Variants in EPB41L4A observed in about 807,000 individuals in gnomAD.
The protein encoded by EPB41L4A is erythrocyte membrane protein band 4.1 like 4A, also known as band 4.1-like protein 4A.
In EPB41L4A, 100 loss-of-function variants were observed where a neutral mutation model predicts 108.6. The ratio of observed to expected loss-of-function variants is 0.92; its 90% CI spans 0.78 to 1.09. EPB41L4A has a LOEUF of 1.09. Among genes scored for constraint, EPB41L4A ranks in the 50% least tolerant of loss-of-function variants. EPB41L4A has a pLI of 0.00. For missense variants in EPB41L4A, 1,030 were observed against 842.7 expected, an observed-to-expected ratio of 1.22 and a Z score of -2.75; for synonymous variants, 319 against 289.0, an observed-to-expected ratio of 1.10 and a Z score of -1.05.
At chr5:112,310,381 T>C (rs542780214) in intron 1 of EPB41L4A, among the ~76,000 whole-genome samples, 46 of 152,316 alleles carry the variant, frequency 3.0e-4, no homozygotes, top group African/African-American at 1.1e-3. Context: ...CATTTATTTC[T>C]TCTTTTCTTA....
At chr5:112,331,840 T>C (rs1053045798) in intron 1 of EPB41L4A, among the ~76,000 whole-genome samples, 2 of 152,194 alleles carry the variant, frequency 1.3e-5, no homozygotes, top group South Asian at 2.1e-4. Flanking sequence ...ATGCTGTCCA[T>C]GGCCCCCACA....
chr5:112,166,601 T>C (rs908396470), intron 22 of EPB41L4A, among the ~76,000 whole-genome samples: 6 of 152,236 alleles, frequency 3.9e-5, no homozygotes, highest in African/African-American at 1.2e-4. Flanking sequence ...ACCCTAAACA[T>C]GTAAAGTGAG....
chr5:112,353,627 C>T (rs138903337), intron 1 of EPB41L4A, among the ~76,000 whole-genome samples: 4 of 152,148 alleles, frequency 2.6e-5, no homozygotes, highest in East Asian at 1.9e-4. Context: ...CAGGGTTATC[C>T]CCAGGTTTCC....
At chr5:112,204,330 T>G (rs377550622) in intron 15 of EPB41L4A, 45 bp downstream of exon 15, 2 of 1,332,970 alleles carry the variant, frequency 1.5e-6, no homozygotes, top group East Asian at 4.6e-5. Context: ...TGGGACAAAA[T>G]GCTTCTGTTG....
At position 112,346,890 on chromosome 5, in the gene EPB41L4A, T is replaced by C. The variant is rs533143405; in HGVS notation, c.100-39400A>G. 4.6e-5 allele frequency among the ~76,000 whole-genome samples: 7 copies of C among 152,338 alleles called. No homozygotes were observed. The East Asian group carries it at 9.6e-4, about 21-fold the overall frequency. On this transcript the variant is annotated intron_variant, in intron 1 of 22. Transcript: ENST00000261486. ...TTGAAAGAGGTGCTGCATGTCTACA[T>C]GGTTTCTTAAGTCCCCAGTGCTCAT...
intron 1 of EPB41L4A, among the ~76,000 whole-genome samples, chr5:112,334,867 G>A (rs538303338): frequency 6.6e-6 from 1 of 152,090 alleles, no homozygotes; most frequent in Non-Finnish European, 1.5e-5. Context: ...GATTACAACA[G>A]TGAGTATAAG....
intron 13 of EPB41L4A, among the ~76,000 whole-genome samples, chr5:112,145,258 C>G (rs1267752891): frequency 6.6e-6 from 1 of 152,178 alleles, no homozygotes; most frequent in Non-Finnish European, 1.5e-5. Context: ...TTGCTGCACT[C>G]CAGCCTGGGC....
intron 2 of EPB41L4A, among the ~76,000 whole-genome samples, chr5:112,301,965 A>G (rs1754388559): frequency 6.6e-6 from 1 of 152,106 alleles, no homozygotes; most frequent in South Asian, 2.1e-4. Context: ...ATACAAGTTT[A>G]ACGACATAAA....
At chr5:112,340,417 A>G (rs1757237047) in intron 1 of EPB41L4A, among the ~76,000 whole-genome samples, 1 of 152,200 alleles carries the variant, frequency 6.6e-6, no homozygotes, top group African/African-American at 2.4e-5. Flanking sequence ...AGGTCCAGAG[A>G]ACACATTTTG....
intron 1 of EPB41L4A, among the ~76,000 whole-genome samples, chr5:112,379,668 A>C (rs1202208280): frequency 6.6e-6 from 1 of 152,214 alleles, no homozygotes; most frequent in African/African-American, 2.4e-5. Flanking sequence ...TAAGAAGACG[A>C]CCAACACTTA....
intron 7 of EPB41L4A, among the ~76,000 whole-genome samples, chr5:112,262,229 C>G (rs1580555601): frequency 6.6e-6 from 1 of 152,222 alleles, no homozygotes; most frequent in African/African-American, 2.4e-5. Context: ...TGATGTTTAG[C>G]TAAGCCCTTT....
chr5:112,393,842 T>C (rs563280179), intron 1 of EPB41L4A, among the ~76,000 whole-genome samples: 6 of 152,260 alleles, frequency 3.9e-5, no homozygotes, highest in African/African-American at 1.4e-4. Context: ...AAATCCTCAA[T>C]GAAATACTGG....
chr5:112,154,675 C>T (rs542593497), intron 12 of EPB41L4A, among the ~76,000 whole-genome samples: 1 of 152,012 alleles, frequency 6.6e-6, no homozygotes, highest in Admixed American at 6.5e-5. Context: ...ATAAATAGCC[C>T]CCACAAAATT....
intron 12 of EPB41L4A, among the ~76,000 whole-genome samples, chr5:112,151,208 A>G (rs1759452003): frequency 6.6e-6 from 1 of 152,088 alleles, no homozygotes; most frequent in African/African-American, 2.4e-5. Flanking sequence ...GTAACCCGTA[A>G]AAAAAGTATT....
At chr5:112,279,776 G>C (rs1392724867) in intron 3 of EPB41L4A, among the ~76,000 whole-genome samples, 2 of 151,940 alleles carry the variant, frequency 1.3e-5, no homozygotes, top group Non-Finnish European at 2.9e-5. Context: ...CAAAAAGCTA[G>C]CTCCCAAAAA....
At chr5:112,342,815 G>A (rs1475116105) in intron 1 of EPB41L4A, among the ~76,000 whole-genome samples, 4 of 152,242 alleles carry the variant, frequency 2.6e-5, no homozygotes, top group East Asian at 3.9e-4. Flanking sequence ...AGATACACAC[G>A]TTTTGTAGTA....
At chr5:112,325,170 G>A (rs903160081) in intron 1 of EPB41L4A, among the ~76,000 whole-genome samples, 3 of 152,068 alleles carry the variant, frequency 2.0e-5, no homozygotes, top group Non-Finnish European at 4.4e-5. Flanking sequence ...GGCCGGGCGC[G>A]GTGGCTCACG....
intron 15 of EPB41L4A, chr5:112,196,612 T>A (rs911054479): frequency 6.6e-6 from 1 of 152,242 alleles, no homozygotes; most frequent in African/African-American, 2.4e-5. Context: ...ACATGCATGC[T>A]GATACTCAAC....
chr5:112,155,370 CAA>C (rs200975853), intron 12 of EPB41L4A, among the ~76,000 whole-genome samples: 1 of 139,206 alleles, frequency 7.2e-6, no homozygotes, highest in Non-Finnish European at 1.6e-5. Flanking sequence ...TAGCAACAAC[CAA>C]AAAAAAAAAA....
Sources: allele counts gnomAD v4.1 joint callset (sites outside exome capture counted in the v4.1 genomes callset), GRCh38; gene constraint gnomAD v4.1.1; transcripts MANE v1.5; gene names NCBI Gene and HGNC (gene_info 2026-07-23, HGNC 2026-07-21).